TANC2: variants seen among roughly 807,000 people sequenced by gnomAD.
TANC2 encodes the protein protein TANC2.
TANC2 carries 26 observed loss-of-function variants against 210.5 expected under a neutral mutation model. The observed-to-expected ratio is 0.12, with a 90% CI of 0.09 to 0.17. The LOEUF (loss-of-function observed/expected upper bound fraction) is 0.17. TANC2 is among the 10% of genes least tolerant of loss of function. The pLI, the probability that TANC2 is intolerant of heterozygous loss-of-function variation, is 1.00. For missense variants in TANC2, 2,129 were observed against 2,608.9 expected (o/e 0.82, Z 4.01); for synonymous variants, 931 against 967.1 (o/e 0.96, Z 0.69).
At chr17:63,255,613 G>GC (rs2043171504) in intron 8 of TANC2, among the ~76,000 whole-genome samples, 1 of 152,090 alleles carries the variant, frequency 6.6e-6, no homozygotes, top group Non-Finnish European at 1.5e-5. Context: ...GTTGCTCATA[G>GC]TAGTCTCTAA....
At chr17:63,290,778 A>G (rs2044360183) in intron 9 of TANC2, among the ~76,000 whole-genome samples, 1 of 152,196 alleles carries the variant, frequency 6.6e-6, no homozygotes, top group Non-Finnish European at 1.5e-5. Flanking sequence ...AGAATGTTAT[A>G]GATGGAGTAG....
chr17:63,161,214 T>A (rs1174441759), intron 5 of TANC2, among the ~76,000 whole-genome samples: 2 of 152,082 alleles, frequency 1.3e-5, no homozygotes, highest in Non-Finnish European at 2.9e-5. Flanking sequence ...TACAAAAAAA[T>A]AGCTAGGTGT....
intron 2 of TANC2, among the ~76,000 whole-genome samples, chr17:63,035,517 G>T (rs1010418404): frequency 7.2e-5 from 11 of 152,200 alleles, no homozygotes; most frequent in African/African-American, 2.7e-4. Flanking sequence ...CATCTGAGTT[G>T]TTGTGTCAAA....
At position 63,049,641 on chromosome 17, in the gene TANC2, G is replaced by C. The variant is rs528850745; in HGVS notation, c.68-24302G>C. Among the ~76,000 whole-genome samples, 4 of 152,338 alleles carry C rather than the reference G, an allele frequency of 2.6e-5. No homozygotes were observed. The East Asian group carries it at 7.7e-4, about 29-fold the overall frequency. On this transcript the variant is annotated intron_variant, in intron 2 of 27. Transcript: ENST00000689528. ...AGGTAATGTAGAGCTTTGATCTAAA[G>C]ACTTTGACTTTTACTTACAATGAGA...
intron 6 of TANC2, among the ~76,000 whole-genome samples, chr17:63,199,618 CA>C (rs372702611): frequency 0.097 from 11,095 of 114,052 alleles, 1,190 homozygotes; most frequent in African/African-American, 0.3. Flanking sequence ...AACTCCATCT[CA>C]AAAAAAAAAA....
At chr17:63,127,455 C>T (rs2145190445) in intron 4 of TANC2, among the ~76,000 whole-genome samples, 1 of 152,238 alleles carries the variant, frequency 6.6e-6, no homozygotes, top group Non-Finnish European at 1.5e-5. Flanking sequence ...TTTTATGTTT[C>T]TCTTATGCTT....
intron 9 of TANC2, among the ~76,000 whole-genome samples, chr17:63,294,057 A>G (rs1445073302): frequency 1.3e-5 from 2 of 152,208 alleles, no homozygotes; most frequent in African/African-American, 4.8e-5. Context: ...GCCTAGATAT[A>G]TAATTACAAT....
chr17:63,283,399 A>T lies in TANC2; in HGVS notation c.1159+15526A>T, dbSNP rs570239812. Among the ~76,000 whole-genome samples the T allele has an allele frequency of 3.9e-5, 6 of 151,968 alleles. 1 individual carries two copies. Among genetic ancestry groups the T allele is most frequent in the African/African-American group, 1.4e-4 (6 of 41,520 alleles). On this transcript the variant is annotated intron_variant, in intron 9 of 27. Transcript: ENST00000689528. ...AATCTTGAAATCATGTCAACACTCC[A>T]GTCTTCTTTTTTAGAGTTATTTCAG...
chr17:62,992,626 A>G (rs1417315557), intron 1 of TANC2, among the ~76,000 whole-genome samples: 1 of 152,234 alleles, frequency 6.6e-6, no homozygotes, highest in Non-Finnish European at 1.5e-5. Flanking sequence ...AAAAAGATAC[A>G]TATAATACAG....
chr17:63,335,531 T>A (rs1267821633), intron 11 of TANC2, among the ~76,000 whole-genome samples: 5 of 151,188 alleles, frequency 3.3e-5, no homozygotes, highest in African/African-American at 4.9e-5. Context: ...GAGAATCACG[T>A]GAACCTGGGA....
At chr17:63,087,732 T>A (rs2037028070) in intron 3 of TANC2, among the ~76,000 whole-genome samples, 1 of 152,154 alleles carries the variant, frequency 6.6e-6, no homozygotes, top group Non-Finnish European at 1.5e-5. Flanking sequence ...AATTTTGATT[T>A]CTCAGGCTTG....
chr17:63,148,777 T>C (rs2039547941), intron 4 of TANC2: 1 of 152,150 alleles, frequency 6.6e-6, no homozygotes, highest in Non-Finnish European at 1.5e-5. Flanking sequence ...TACCATTTTT[T>C]ACAATGAAGC....
At chr17:62,993,107 G>A (rs1470835822) in intron 1 of TANC2, among the ~76,000 whole-genome samples, 1 of 151,984 alleles carries the variant, frequency 6.6e-6, no homozygotes, top group Non-Finnish European at 1.5e-5. Flanking sequence ...AATGACATTT[G>A]TGACTACATT....
chr17:63,389,452 G>A (rs757141249), exon 17 of TANC2: 1 of 1,613,950 alleles, frequency 6.2e-7, no homozygotes, highest in East Asian at 2.2e-5. Flanking sequence ...CAACGTGGAT[G>A]CCTCTTCTGA....
chr17:63,141,261 G>C (rs1023299010), intron 4 of TANC2, among the ~76,000 whole-genome samples: 30 of 150,098 alleles, frequency 2.0e-4, no homozygotes, highest in African/African-American at 7.1e-4. Flanking sequence ...TATAAAATAG[G>C]CTGGGTGTGG....
chr17:63,052,368 C>T (rs867662261), intron 2 of TANC2, among the ~76,000 whole-genome samples: 10 of 152,102 alleles, frequency 6.6e-5, no homozygotes, highest in African/African-American at 1.9e-4. Context: ...ACACCCAGCA[C>T]GTACATATTG....
At position 63,341,990 on chromosome 17, in the gene TANC2, A is replaced by G. The variant is rs184027788; in HGVS notation, c.1807+1658A>G. On this transcript the variant is annotated intron_variant, in intron 12 of 27. Transcript: ENST00000689528. The stretch of plus-strand genomic sequence containing the variant: ...TCCCTAGATTTTCCCACCTCCATAT[A>G]TTTACTCATTATTTTCCTTCTTGAT... Among the ~76,000 whole-genome samples the G allele has an allele frequency of 7.9e-5, 12 of 152,050 alleles. 1 individual carries two copies. The highest frequency in any genetic ancestry group is 4.6e-4 in the Admixed American group (7 of 15,270).
chr17:63,343,128 AATTAC>A (rs2046293122), intron 12 of TANC2, among the ~76,000 whole-genome samples: 1 of 152,258 alleles, frequency 6.6e-6, no homozygotes, highest in Admixed American at 6.5e-5. Context: ...TAATATCAAC[AATTAC>A]ATTACATGTA....
chr17:63,336,517 G>A (rs1453084795), intron 11 of TANC2, among the ~76,000 whole-genome samples: 1 of 152,140 alleles, frequency 6.6e-6, no homozygotes, highest in Non-Finnish European at 1.5e-5. Context: ...TTTATATACA[G>A]CATTAAATCA....
Sources: allele counts gnomAD v4.1 joint callset (sites outside exome capture counted in the v4.1 genomes callset), GRCh38; gene constraint gnomAD v4.1.1; transcripts MANE v1.5; gene names NCBI Gene and HGNC (gene_info 2026-07-23, HGNC 2026-07-21).